IQCM: variants seen among roughly 807,000 people sequenced by gnomAD.
IQCM encodes the protein IQ motif containing M, also known as IQ domain-containing protein M.
Under a neutral mutation model 57.6 loss-of-function variants are expected in IQCM, and 45 were observed. The ratio of observed to expected loss-of-function variants is 0.78; its 90% CI spans 0.62 to 1.00. The LOEUF (loss-of-function observed/expected upper bound fraction) is 1.00. IQCM is among the 50% of genes least tolerant of loss of function. IQCM has a pLI of 0.00. For synonymous variants in IQCM, 148 were observed against 158.9 expected, an observed-to-expected ratio of 0.93 and a Z score of 0.51; for missense variants, 468 against 511.6, an observed-to-expected ratio of 0.91 and a Z score of 0.82.
intron 7 of IQCM, among the ~76,000 whole-genome samples, chr4:149,651,576 GA>G (rs1219972656): frequency 1.3e-5 from 2 of 150,552 alleles, no homozygotes; most frequent in Non-Finnish European, 3.0e-5. Context: ...CATTAAAAGT[GA>G]AAAAAAAATT....
At chr4:149,528,052 CTT>C (rs1194870882) in intron 12 of IQCM, among the ~76,000 whole-genome samples, 1 of 149,854 alleles carries the variant, frequency 6.7e-6, no homozygotes, top group African/African-American at 2.5e-5. Context: ...GTGGCATGAT[CTT>C]TGCTCACTGC....
Position 149,352,051 on chromosome 4 carries a change from G to C in IQCM, c.1406C>G (p.Ala469Gly), listed in dbSNP as rs1377116888. ...GYRYIVNGHP[A>G]LKRANIRVVG... ...AACCCGGATGTTAGCTCGTTTGAGT[G>C]CTGGATGTCCATTTACTATAATACA... Residue 469 changes from alanine (A) to glycine (G), a missense_variant, in exon 14 of 14, where the codon GCA (alanine) becomes GGA (glycine). Coordinates refer to ENST00000636793, the MANE Select transcript of IQCM (RefSeq NM_001363507.2). 3 of 398,828 alleles carry C rather than the reference G, an allele frequency of 7.5e-6. No homozygotes were observed. The highest frequency in any genetic ancestry group is 4.1e-5 in the African/African-American group (2 of 48,632). 24.7% of individuals were successfully genotyped at this position (398,828 alleles called of 1,614,324 possible). A position where few individuals can be genotyped will look rare whatever the true frequency, so the allele number is the denominator to read the frequency against.
intron 13 of IQCM, among the ~76,000 whole-genome samples, chr4:149,379,811 C>T (rs58694554): frequency 0.15 from 23,036 of 151,946 alleles, 2,111 homozygotes; most frequent in South Asian, 0.33. Flanking sequence ...TGGAAGGGGC[C>T]AAGTGTGGAA....
chr4:149,803,191 C>G (rs145759328), intron 2 of IQCM, among the ~76,000 whole-genome samples: 3,339 of 151,922 alleles, frequency 0.022, 66 homozygotes, highest in South Asian at 0.036. Flanking sequence ...AGACATAGAT[C>G]GTGTTCAAGA....
At chr4:149,509,279 C>CT (rs1282888072) in intron 12 of IQCM, among the ~76,000 whole-genome samples, 27 of 151,862 alleles carry the variant, frequency 1.8e-4, no homozygotes, top group African/African-American at 6.5e-4. Flanking sequence ...TTTCTTTTTT[C>CT]TTTTTTCTTT....
At chr4:149,755,226 C>T (rs1037201708) in intron 2 of IQCM, among the ~76,000 whole-genome samples, 4 of 152,156 alleles carry the variant, frequency 2.6e-5, no homozygotes, top group African/African-American at 9.7e-5. Flanking sequence ...ACTCCCAACC[C>T]AGCAACCAGA....
intron 10 of IQCM, among the ~76,000 whole-genome samples, chr4:149,558,809 C>G (rs1473474892): frequency 6.6e-6 from 1 of 152,162 alleles, no homozygotes; most frequent in Non-Finnish European, 1.5e-5. Context: ...TTAAGAACTA[C>G]TGATAAATCC....
intron 5 of IQCM, among the ~76,000 whole-genome samples, chr4:149,717,315 G>C (rs1392292454): frequency 6.6e-6 from 1 of 152,106 alleles, no homozygotes; most frequent in Non-Finnish European, 1.5e-5. Flanking sequence ...GATTTGAATT[G>C]AATTGGAAGA....
At chr4:149,381,457 C>T (rs1731070157) in intron 13 of IQCM, among the ~76,000 whole-genome samples, 1 of 152,096 alleles carries the variant, frequency 6.6e-6, no homozygotes, top group Non-Finnish European at 1.5e-5. Context: ...AACTATTCAC[C>T]TCCTCATTGA....
At position 149,621,128 on chromosome 4, in the gene IQCM, CA is replaced by C; in HGVS notation, c.681del (p.Thr229ProfsTer23). 1 of 1,201,590 alleles carries C rather than the reference CA, an allele frequency of 8.3e-7. No individual in the cohort carries two copies. Among genetic ancestry groups the C allele is most frequent in the Non-Finnish European group, 1.0e-6 (1 of 960,258 alleles). The allele number at this position is 1,201,590 out of a possible 1,614,324, so 74.4% of individuals were successfully genotyped here. ...CTACATCCAGTTTTATAAATACTTA[CA>C]GAATAATAATCCCGAAATATTGATG... The part of the protein sequence containing the change: ...QSSSIFRDYY[S>X]KTFKTLIKKE... On this transcript the variant is annotated frameshift_variant and splice_region_variant, in exon 8 of 14. Coordinates refer to ENST00000636793, the MANE Select transcript of IQCM (RefSeq NM_001363507.2). LOFTEE classifies it high-confidence loss of function.
chr4:149,352,847 T>C (rs1227835212), intron 13 of IQCM, among the ~76,000 whole-genome samples: 1 of 152,164 alleles, frequency 6.6e-6, no homozygotes, highest in Non-Finnish European at 1.5e-5. Flanking sequence ...AGGTATAGAT[T>C]TACTGTGGCC....
intron 2 of IQCM, among the ~76,000 whole-genome samples, chr4:149,814,531 C>A (rs527909767): frequency 1.3e-5 from 2 of 151,126 alleles, no homozygotes; most frequent in Admixed American, 1.3e-4. Flanking sequence ...TTAATCATTC[C>A]AAAAAAAATA....
intron 8 of IQCM, among the ~76,000 whole-genome samples, chr4:149,615,554 T>A (rs1246857350): frequency 1.3e-5 from 2 of 152,172 alleles, no homozygotes; most frequent in Non-Finnish European, 2.9e-5. Flanking sequence ...GTGAAACGTT[T>A]AAAGCATAAA....
At chr4:149,673,623 C>T in intron 7 of IQCM, among the ~76,000 whole-genome samples, 1 of 152,032 alleles carries the variant, frequency 6.6e-6, no homozygotes, top group African/African-American at 2.4e-5. Context: ...ATTCATAAAG[C>T]AAGTCCTTAG....
At chr4:149,637,141 C>A in intron 7 of IQCM, among the ~76,000 whole-genome samples, 1 of 130,768 alleles carries the variant, frequency 7.6e-6, no homozygotes. Flanking sequence ...CAGAGCGAGA[C>A]TCCGTCTCAA....
intron 12 of IQCM, among the ~76,000 whole-genome samples, chr4:149,519,347 C>A (rs538130857): frequency 6.6e-6 from 1 of 152,154 alleles, no homozygotes; most frequent in African/African-American, 2.4e-5. Context: ...CTTGGCCGGG[C>A]GCGGTGGCTC....
At chr4:149,714,032 C>A (rs1313816639) in intron 5 of IQCM, among the ~76,000 whole-genome samples, 1 of 152,126 alleles carries the variant, frequency 6.6e-6, no homozygotes. Flanking sequence ...TATCTAATTT[C>A]TCTCCCTCAA....
chr4:149,674,183 C>T (rs957314632), intron 7 of IQCM, among the ~76,000 whole-genome samples: 6 of 151,980 alleles, frequency 3.9e-5, no homozygotes, highest in African/African-American at 1.4e-4. Context: ...AAAATGAAAA[C>T]AGCATACTTG....
chr4:149,522,187 T>C (rs1369065258), intron 12 of IQCM, among the ~76,000 whole-genome samples: 2 of 152,148 alleles, frequency 1.3e-5, no homozygotes, highest in Non-Finnish European at 2.9e-5. Flanking sequence ...CTCTGGAACC[T>C]TTCCTGTCAC....
Sources: gnomAD v4.1 joint callset for allele counts (sites outside exome capture counted in the v4.1 genomes callset) on GRCh38, gnomAD v4.1.1 for gene constraint, MANE v1.5 for transcripts, NCBI Gene and HGNC (gene_info 2026-07-23, HGNC 2026-07-21) for gene names.